The following UBAP1 variants were observed in gnomAD, a reference collection of about 807,000 sequenced individuals.
UBAP1 encodes the protein ubiquitin associated protein 1.
UBAP1 carries 5 observed loss-of-function variants against 39.0 expected under a neutral mutation model. The ratio of observed to expected loss-of-function variants is 0.13; its 90% CI spans 0.07 to 0.27. The LOEUF (loss-of-function observed/expected upper bound fraction) is 0.27, where lower values mean the gene tolerates loss of function less well. UBAP1 is among the 10% of genes least tolerant of loss of function. UBAP1 has a pLI of 1.00. For missense variants in UBAP1, 490 were observed against 608.1 expected (o/e 0.81, Z 2.04); for synonymous variants, 211 against 225.1 (o/e 0.94, Z 0.56).
At chr9:34,240,509 C>T (rs1272004798) in intron 3 of UBAP1, among the ~76,000 whole-genome samples, 2 of 152,140 alleles carry the variant, frequency 1.3e-5, no homozygotes, top group African/African-American at 4.8e-5. Context: ...AGGTCTGTTT[C>T]TCTTAAGTGT....
intron 2 of UBAP1, among the ~76,000 whole-genome samples, chr9:34,227,750 T>C (rs1002063120): frequency 1.1e-4 from 16 of 152,020 alleles, no homozygotes; most frequent in Non-Finnish European, 2.1e-4. Flanking sequence ...CTTAGGAAAA[T>C]GGGTGCAAAT....
chr9:34,206,394 C>T (rs1278455593), intron 1 of UBAP1, among the ~76,000 whole-genome samples: 4 of 150,892 alleles, frequency 2.7e-5, no homozygotes, highest in African/African-American at 9.8e-5. Context: ...CCTGTGGTCC[C>T]AGCTACTCAG....
intron 4 of UBAP1, among the ~76,000 whole-genome samples, chr9:34,248,068 C>T (rs879281987): frequency 6.6e-6 from 1 of 151,198 alleles, no homozygotes; most frequent in African/African-American, 2.4e-5. Flanking sequence ...GACAGTCTCA[C>T]TCTGTCACCC....
chr9:34,216,670 T>TTTTG (rs60189337), intron 1 of UBAP1, among the ~76,000 whole-genome samples: 2 of 116,546 alleles, frequency 1.7e-5, no homozygotes, highest in Non-Finnish European at 3.8e-5. Context: ...TTTTTTTTTT[T>TTTTG]GAGACTGGCT....
chr9:34,196,570 G>C (rs1831071745), intron 1 of UBAP1, among the ~76,000 whole-genome samples: 1 of 151,846 alleles, frequency 6.6e-6, no homozygotes, highest in African/African-American at 2.4e-5. Flanking sequence ...GCCCTACTCG[G>C]CCTCCCAAAG....
In UBAP1 at chr9:34,241,349, C is replaced by T. The variant is rs780963612; in HGVS notation, c.324C>T (p.His108=). The change falls in exon 4 of 7, where the codon CAC becomes CAT. Residue 108 remains histidine, a synonymous_variant. Coordinates refer to ENST00000297661, the MANE Select transcript of UBAP1 (RefSeq NM_016525.5). Reference sequence around the variant, plus strand: ...GCAAAATGAGCTTCTCCAAGACTCACAGTACAGCCACAATGCCACCTCCTA... The same window carrying T: ...GCAAAATGAGCTTCTCCAAGACTCATAGTACAGCCACAATGCCACCTCCTA... The part of the protein sequence containing the change: ...GDSKMSFSKT[H]STATMPPPIN... 1.3e-5 allele frequency: 20 copies of T among 1,530,832 alleles called. No individual in the cohort carries two copies. In the East Asian group the frequency reaches 2.7e-4, roughly 21 times the overall value. 94.8% of individuals were successfully genotyped at this position (1,530,832 alleles called of 1,614,324 possible).
intron 1 of UBAP1, among the ~76,000 whole-genome samples, chr9:34,210,756 C>G (rs1489454951): frequency 7.0e-6 from 1 of 143,464 alleles, no homozygotes; most frequent in Non-Finnish European, 1.5e-5. Flanking sequence ...TACATGTTTT[C>G]TATAGGTATA....
Position 34,249,863 on chromosome 9 carries a change from C to T in UBAP1, c.1168C>T (p.Pro390Ser), listed in dbSNP as rs778597980. The change falls in exon 5 of 7, where the codon CCC (proline) becomes TCC (serine). Residue 390 changes from proline (P) to serine (S), a missense_variant. Pro to Ser is a moderately conservative substitution (Grantham distance 74). Coordinates refer to ENST00000297661, the MANE Select transcript of UBAP1 (RefSeq NM_016525.5). ...QAYSELQMLS[P>S]SERQCVETVV... ...CTATTCTGAACTGCAGATGCTGTCC[C>T]CCAGCGAGCGGCAGTGTGTGGAGAC... 3 of 1,614,224 alleles carry T rather than the reference C, an allele frequency of 1.9e-6. No individual in the cohort carries two copies. Among genetic ancestry groups the T allele is most frequent in the Non-Finnish European group, 2.5e-6 (3 of 1,180,038 alleles).
chr9:34,187,783 G>T (rs1830485438), intron 1 of UBAP1, among the ~76,000 whole-genome samples: 2 of 151,154 alleles, frequency 1.3e-5, no homozygotes, highest in East Asian at 1.9e-4. Flanking sequence ...GTAGATTGTG[G>T]AAGAGTTGAT....
intron 1 of UBAP1, among the ~76,000 whole-genome samples, chr9:34,202,295 C>G (rs1293887652): frequency 3.9e-5 from 6 of 152,028 alleles, no homozygotes; most frequent in Non-Finnish European, 5.9e-5. Flanking sequence ...CCACGCCCGG[C>G]TAATTTTTGT....
chr9:34,247,758 C>T (rs1380069080), intron 4 of UBAP1, among the ~76,000 whole-genome samples: 1 of 152,108 alleles, frequency 6.6e-6, no homozygotes, highest in African/African-American at 2.4e-5. Flanking sequence ...AAATAATTAA[C>T]AGTCGTATGT....
At chr9:34,250,614 C>T (rs1345367181) in intron 5 of UBAP1, 44 bp from the exon 6 acceptor site, 1 of 1,522,860 alleles carries the variant, frequency 6.6e-7, no homozygotes, top group Admixed American at 1.7e-5. Context: ...GAAAGCACAG[C>T]AAAGAGCAGC....
intron 1 of UBAP1, among the ~76,000 whole-genome samples, chr9:34,190,802 C>CTT (rs373942127): frequency 0.057 from 6,659 of 116,526 alleles, 275 homozygotes; most frequent in East Asian, 0.13. Context: ...ATGCCTGGCT[C>CTT]TTTTTTTTTT....
chr9:34,250,079 A>C, intron 5 of UBAP1, 118 bp downstream of exon 5: 1 of 1,099,214 alleles, frequency 9.1e-7, no homozygotes. Flanking sequence ...TGGGTTTGTG[A>C]GGACACGGGG....
At chr9:34,213,871 C>G (rs1399326264) in intron 1 of UBAP1, among the ~76,000 whole-genome samples, 1 of 151,824 alleles carries the variant, frequency 6.6e-6, no homozygotes. Flanking sequence ...CTTCTATACA[C>G]CAACAGTGAC....
At chr9:34,239,002 C>T (rs1287332449) in intron 3 of UBAP1, among the ~76,000 whole-genome samples, 1 of 152,212 alleles carries the variant, frequency 6.6e-6, no homozygotes, top group African/African-American at 2.4e-5. Flanking sequence ...CTAAGAGCTC[C>T]ATTCCAATGT....
intron 1 of UBAP1, among the ~76,000 whole-genome samples, chr9:34,210,055 C>T (rs1157241793): frequency 6.6e-6 from 1 of 151,970 alleles, no homozygotes; most frequent in Admixed American, 6.6e-5. Context: ...TTTTAATTTG[C>T]GATAAAACGG....
intron 4 of UBAP1, among the ~76,000 whole-genome samples, chr9:34,247,510 C>T (rs574177438): frequency 7.7e-4 from 117 of 152,134 alleles, no homozygotes; most frequent in Admixed American, 7.3e-3. Flanking sequence ...CTGAGACCTC[C>T]GCCTTCTGGG....
At chr9:34,246,152 G>A (rs898020459) in intron 4 of UBAP1, among the ~76,000 whole-genome samples, 1 of 151,800 alleles carries the variant, frequency 6.6e-6, no homozygotes, top group African/African-American at 2.4e-5. Flanking sequence ...CTGCAGCCTC[G>A]ACCTCCTGGG....
Sources: allele counts gnomAD v4.1 joint callset (sites outside exome capture counted in the v4.1 genomes callset), GRCh38; gene constraint gnomAD v4.1.1; transcripts MANE v1.5; gene names NCBI Gene and HGNC (gene_info 2026-07-23, HGNC 2026-07-21).